Variants in CELF4 observed in about 807,000 individuals in gnomAD.
CELF4 encodes CUGBP Elav-like family member 4.
A neutral mutation model predicts 59.9 loss-of-function variants in CELF4; 18 were observed. The observed-to-expected ratio is 0.30, with a 90% CI of 0.21 to 0.45. The LOEUF is 0.45. Among genes scored for constraint, CELF4 ranks in the 20% least tolerant of loss-of-function variants. CELF4 has a pLI of 1.00. For missense variants in CELF4, 456 were observed against 689.0 expected (o/e 0.66, Z 3.79); for synonymous variants, 261 against 267.1 (o/e 0.98, Z 0.22).
chr18:37,449,694 G>A (rs2099757757), intron 2 of CELF4, among the ~76,000 whole-genome samples: 2 of 152,138 alleles, frequency 1.3e-5, no homozygotes, highest in South Asian at 4.1e-4. Flanking sequence ...GGCCAGGGAA[G>A]GCCTCTCTGA....
intron 2 of CELF4, among the ~76,000 whole-genome samples, chr18:37,354,889 G>GCCT (rs1246177946): frequency 3.9e-5 from 6 of 152,212 alleles, no homozygotes; most frequent in Non-Finnish European, 5.9e-5. Context: ...CAGGGAAGTA[G>GCCT]CACTTAGGCC....
chr18:37,449,678 T>A (rs2099757728), intron 2 of CELF4, among the ~76,000 whole-genome samples: 1 of 152,066 alleles, frequency 6.6e-6, no homozygotes, highest in Non-Finnish European at 1.5e-5. Context: ...CTACTTTAGA[T>A]AAAATGGCCA....
At chr18:37,546,554 C>A (rs1428934102) in intron 1 of CELF4, among the ~76,000 whole-genome samples, 1 of 152,164 alleles carries the variant, frequency 6.6e-6, no homozygotes, top group African/African-American at 2.4e-5. Flanking sequence ...TCGGGCTCTG[C>A]CAGATAGCAA....
chr18:37,322,000 C>T, intron 2 of CELF4, 119 bp from the exon 3 acceptor site: 1 of 664,222 alleles, frequency 1.5e-6, no homozygotes. Context: ...GACACGCGCT[C>T]CCACAACATG....
intron 1 of CELF4, among the ~76,000 whole-genome samples, chr18:37,556,993 C>T (rs1453246066): frequency 6.6e-6 from 1 of 152,058 alleles, no homozygotes; most frequent in Non-Finnish European, 1.5e-5. Context: ...CAGGTGAGGA[C>T]CATCCTTCAG....
chr18:37,523,713 C>A (rs1054648544), intron 1 of CELF4, among the ~76,000 whole-genome samples: 3 of 152,234 alleles, frequency 2.0e-5, no homozygotes, highest in African/African-American at 7.2e-5. Context: ...GATTTCTAGG[C>A]TTCCCAGCCC....
intron 3 of CELF4, among the ~76,000 whole-genome samples, chr18:37,304,476 T>C (rs1255308553): frequency 6.6e-6 from 1 of 152,082 alleles, no homozygotes; most frequent in African/African-American, 2.4e-5. Flanking sequence ...TGGGTGGAGG[T>C]AACCTGGGAG....
At chr18:37,376,954 G>A (rs1308219461) in intron 2 of CELF4, among the ~76,000 whole-genome samples, 1 of 152,046 alleles carries the variant, frequency 6.6e-6, no homozygotes, top group Non-Finnish European at 1.5e-5. Context: ...AGGGGGCACA[G>A]CAGGGAGCAT....
chr18:37,263,614 CCTGTCTTCCTG>C (rs2076004562), intron 10 of CELF4, among the ~76,000 whole-genome samples: 4 of 152,028 alleles, frequency 2.6e-5, no homozygotes. Flanking sequence ...CATCCAGCCT[CCTGTCTTCCTG>C]CTTATGTGGG....
chr18:37,262,277 C>T (rs1190894764), intron 10 of CELF4, among the ~76,000 whole-genome samples: 1 of 152,212 alleles, frequency 6.6e-6, no homozygotes, highest in African/African-American at 2.4e-5. Flanking sequence ...GGTGGCTCAA[C>T]CCATGGACCA....
At chr18:37,563,781 T>C (rs2099987294) in intron 1 of CELF4, among the ~76,000 whole-genome samples, 1 of 151,864 alleles carries the variant, frequency 6.6e-6, no homozygotes, top group African/African-American at 2.4e-5. Context: ...TTTGTGTTAC[T>C]CAACATGCCA....
At chr18:37,560,605 G>A (rs2099986249) in intron 1 of CELF4, among the ~76,000 whole-genome samples, 1 of 152,122 alleles carries the variant, frequency 6.6e-6, no homozygotes. Flanking sequence ...AGCTATAGGT[G>A]TGTACCTAGC....
intron 1 of CELF4, among the ~76,000 whole-genome samples, chr18:37,539,557 C>T (rs1057257792): frequency 2.0e-5 from 3 of 152,124 alleles, no homozygotes; most frequent in Non-Finnish European, 4.4e-5. Flanking sequence ...TTGTGCTGTG[C>T]GTGTGTGAAC....
intron 1 of CELF4, among the ~76,000 whole-genome samples, chr18:37,513,876 C>T (rs2099947428): frequency 6.6e-6 from 1 of 152,094 alleles, no homozygotes; most frequent in African/African-American, 2.4e-5. Flanking sequence ...AACTACCTCT[C>T]TTGTGTTGTC....
At chr18:37,370,018 C>A (rs932442801) in intron 2 of CELF4, among the ~76,000 whole-genome samples, 1 of 152,252 alleles carries the variant, frequency 6.6e-6, no homozygotes, top group African/African-American at 2.4e-5. Context: ...TCCCTCTCCT[C>A]AGAGCCCAGC....
intron 3 of CELF4, among the ~76,000 whole-genome samples, chr18:37,276,783 G>C (rs1225287608): frequency 6.6e-6 from 1 of 152,180 alleles, no homozygotes; most frequent in East Asian, 1.9e-4. Flanking sequence ...GCAGCCATAG[G>C]AACTGGAACA....
chr18:37,349,903 C>T (rs982151669), intron 2 of CELF4, among the ~76,000 whole-genome samples: 1 of 152,116 alleles, frequency 6.6e-6, no homozygotes, highest in Non-Finnish European at 1.5e-5. Context: ...GGGGAGCCGG[C>T]CAGAGTTCAC....
intron 1 of CELF4, among the ~76,000 whole-genome samples, chr18:37,528,291 C>T (rs2099965971): frequency 1.3e-5 from 2 of 152,304 alleles, no homozygotes; most frequent in East Asian, 1.9e-4. Flanking sequence ...AGAATGCTTA[C>T]ATCTGTTGAA....
At chr18:37,278,943 C>T (rs1462198068) in intron 3 of CELF4, among the ~76,000 whole-genome samples, 1 of 152,224 alleles carries the variant, frequency 6.6e-6, no homozygotes, top group African/African-American at 2.4e-5. Flanking sequence ...ATCACATAAC[C>T]AACGGTACCA....
Sources: gnomAD v4.1 joint callset for allele counts (sites outside exome capture counted in the v4.1 genomes callset) on GRCh38, gnomAD v4.1.1 for gene constraint, MANE v1.5 for transcripts, NCBI Gene and HGNC (gene_info 2026-07-23, HGNC 2026-07-21) for gene names.